The following RGS3 variants were observed in gnomAD, a reference collection of about 807,000 sequenced individuals.
RGS3 encodes the protein regulator of G protein signaling 3.
Under a neutral mutation model 132.6 loss-of-function variants are expected in RGS3, and 80 were observed. The observed-to-expected ratio is 0.60, with a 90% confidence interval of 0.50 to 0.73. The LOEUF (loss-of-function observed/expected upper bound fraction) is 0.73, where lower values mean the gene tolerates loss of function less well. Among genes scored for constraint, RGS3 ranks in the 30% least tolerant of loss-of-function variants. The pLI, the probability that RGS3 is intolerant of heterozygous loss-of-function variation, is 0.00. For missense variants in RGS3, 1,382 were observed against 1,530.8 expected (o/e 0.90, Z 1.62); for synonymous variants, 598 against 620.6 (o/e 0.96, Z 0.54).
intron 3 of RGS3, among the ~76,000 whole-genome samples, chr9:113,464,680 T>C (rs1829569836): frequency 6.6e-6 from 1 of 152,242 alleles, no homozygotes; most frequent in African/African-American, 2.4e-5. Flanking sequence ...CATGAGCCAG[T>C]GGCAGAGTTC....
exon 16 of RGS3, chr9:113,517,566 G>A (rs762872641): frequency 4.3e-6 from 7 of 1,613,296 alleles, no homozygotes; most frequent in African/African-American, 1.3e-5. Context: ...AATCCTGCCC[G>A]GACCCTCCTG....
At chr9:113,461,143 T>A (rs1829461974) in intron 1 of RGS3, among the ~76,000 whole-genome samples, 1 of 152,096 alleles carries the variant, frequency 6.6e-6, no homozygotes, top group Non-Finnish European at 1.5e-5. Context: ...GTACATGGGA[T>A]ATGTTGAGGT....
chr9:113,580,689 C>T (rs979520140), intron 19 of RGS3: 11 of 562,956 alleles, frequency 2.0e-5, no homozygotes, highest in Non-Finnish European at 2.5e-5. Flanking sequence ...GGTAGGTGCC[C>T]TCTGGGGGCA....
rs570702109 is a variant in RGS3, at chr9:113,497,545, A to T, written c.841+141A>T. 3 of 673,780 alleles carry T rather than the reference A, an allele frequency of 4.5e-6. No individual in the cohort carries two copies. In the South Asian group the frequency reaches 5.5e-5, roughly 12 times the overall value. The allele number at this position is 673,780 out of a possible 1,614,324, so 41.7% of individuals were successfully genotyped here. On this transcript the variant is annotated intron_variant, in intron 9 of 24. Coordinates refer to ENST00000350696, the Ensembl canonical transcript of RGS3. ...CTGCTGGGTGCAGGGACTTCTCAGG[A>T]GCACTTGCTAGAGTGCAGGCTGCAG...
intron 24 of RGS3, 87 bp from the exon 23 acceptor site, chr9:113,596,681 A>G: frequency 1.7e-6 from 2 of 1,162,730 alleles, no homozygotes; most frequent in Non-Finnish European, 2.4e-6. Context: ...TGGAGGTGAG[A>G]GGCTGGATGG....
At chr9:113,526,041 C>T (rs907542323) in intron 17 of RGS3, among the ~76,000 whole-genome samples, 4 of 152,220 alleles carry the variant, frequency 2.6e-5, no homozygotes, top group Non-Finnish European at 2.9e-5. Flanking sequence ...GGAACATCTC[C>T]GGTCAGCCGG....
chr9:113,593,296 C>G (rs1422906707), intron 21 of RGS3, among the ~76,000 whole-genome samples: 1 of 152,208 alleles, frequency 6.6e-6, no homozygotes, highest in Non-Finnish European at 1.5e-5. Flanking sequence ...ATGCTTCAAA[C>G]TTACCAAACC....
intron 19 of RGS3, among the ~76,000 whole-genome samples, chr9:113,558,359 C>A (rs148493218): frequency 1.3e-5 from 2 of 152,044 alleles, no homozygotes; most frequent in Non-Finnish European, 2.9e-5. Flanking sequence ...AAAAATTAGC[C>A]GGACGTGGTG....
chr9:113,529,369 C>T (rs1288903267), intron 18 of RGS3, 105 bp downstream of exon 16: 3 of 986,314 alleles, frequency 3.0e-6, no homozygotes, highest in Non-Finnish European at 3.2e-6. Context: ...AGCCTCCATA[C>T]CCACTCATGC....
intron 18 of RGS3, among the ~76,000 whole-genome samples, chr9:113,532,026 C>T (rs1832490915): frequency 6.6e-6 from 1 of 152,110 alleles, no homozygotes; most frequent in Non-Finnish European, 1.5e-5. Context: ...TTCAGGATGC[C>T]CATGTTTAAA....
intron 7 of RGS3, among the ~76,000 whole-genome samples, chr9:113,493,306 G>A (rs1376844735): frequency 6.6e-6 from 1 of 152,186 alleles, no homozygotes; most frequent in Non-Finnish European, 1.5e-5. Context: ...TGGGGTGAGA[G>A]CATTGTCCTT....
chr9:113,482,818 G>C, intron 4 of RGS3: 1 of 818,996 alleles, frequency 1.2e-6, no homozygotes. Context: ...ATTGGTGAGG[G>C]TGCTGCCAGA....
intron 10 of RGS3, among the ~76,000 whole-genome samples, chr9:113,502,297 G>A (rs1830935229): frequency 6.6e-6 from 1 of 152,184 alleles, no homozygotes; most frequent in South Asian, 2.1e-4. Context: ...GATGGTGAAG[G>A]CAAGTGATAT....
chr9:113,539,121 G>A (rs183650676), intron 19 of RGS3, among the ~76,000 whole-genome samples: 27 of 152,288 alleles, frequency 1.8e-4, no homozygotes, highest in African/African-American at 4.6e-4. Context: ...GACAGGGCCC[G>A]CCTGGCTTTC....
At chr9:113,468,261 T>C (rs1472896530) in intron 3 of RGS3, among the ~76,000 whole-genome samples, 1 of 152,206 alleles carries the variant, frequency 6.6e-6, no homozygotes, top group Non-Finnish European at 1.5e-5. Flanking sequence ...AACTTCATTG[T>C]TTTTTGTGGC....
chr9:113,486,315 C>G (rs776182296), intron 7 of RGS3, among the ~76,000 whole-genome samples: 9 of 152,192 alleles, frequency 5.9e-5, no homozygotes, highest in Non-Finnish European at 1.0e-4. Flanking sequence ...AAATGGCATT[C>G]CAGGCAGGGC....
intron 19 of RGS3, among the ~76,000 whole-genome samples, chr9:113,552,473 C>G (rs539472074): frequency 2.0e-5 from 3 of 152,124 alleles, no homozygotes; most frequent in Non-Finnish European, 4.4e-5. Context: ...CCCACCACCA[C>G]GCCCGGCTAA....
chr9:113,463,714 C>T lies in RGS3; in HGVS notation c.415+1513C>T. The stretch of plus-strand genomic sequence containing the variant: ...GGGGCAGCCCTACCTCCCGCTCGCG[C>T]TCCTCCCGCCCTGGAGACTCCGGTT... On this transcript the variant is annotated intron_variant, in intron 3 of 24. Coordinates refer to ENST00000350696, the Ensembl canonical transcript of RGS3. The surrounding 1 kb of genome is among the most constrained non-coding windows in gnomAD (Gnocchi z 4.6). The T allele has an allele frequency of 6.9e-7, 1 of 1,459,770 alleles. No individual in the cohort carries two copies. The allele number at this position is 1,459,770 out of a possible 1,614,324, so 90.4% of individuals were successfully genotyped here.
At chr9:113,480,137 T>G (rs1188921428) in intron 4 of RGS3, among the ~76,000 whole-genome samples, 1 of 152,162 alleles carries the variant, frequency 6.6e-6, no homozygotes, top group Non-Finnish European at 1.5e-5. Context: ...GAACTTGTAG[T>G]CAATCCTGTG....
Sources: gnomAD v4.1 joint callset for allele counts (sites outside exome capture counted in the v4.1 genomes callset) on GRCh38, gnomAD v4.1.1 for gene constraint, Gnocchi (gnomAD v3.1) non-coding constraint, MANE v1.5 for transcripts, NCBI Gene and HGNC (gene_info 2026-07-23, HGNC 2026-07-21) for gene names.